LRRC7: variants seen among roughly 807,000 people sequenced by gnomAD.
LRRC7 encodes the protein leucine-rich repeat-containing protein 7.
In LRRC7, 23 loss-of-function variants were observed where a neutral mutation model predicts 175.7. The ratio of observed to expected loss-of-function variants is 0.13; its 90% CI spans 0.09 to 0.19. The LOEUF (loss-of-function observed/expected upper bound fraction) is 0.19, where lower values mean the gene tolerates loss of function less well. LRRC7 is among the 10% of genes least tolerant of loss of function. The probability of loss-of-function intolerance (pLI) is 1.00; values close to 1 mark genes in which losing one functional copy is unlikely to be tolerated. For missense variants in LRRC7, 1,354 were observed against 1,904.7 expected (o/e 0.71, Z 5.38); for synonymous variants, 685 against 680.9 (o/e 1.01, Z -0.09).
intron 2 of LRRC7, among the ~76,000 whole-genome samples, chr1:69,698,847 A>C (rs1375943197): frequency 6.6e-6 from 1 of 152,166 alleles, no homozygotes; most frequent in African/African-American, 2.4e-5. Flanking sequence ...CTCAGTCCAA[A>C]TTATTGGTCA....
chr1:70,029,621 A>G (rs1054912656), intron 18 of LRRC7, among the ~76,000 whole-genome samples: 1 of 152,166 alleles, frequency 6.6e-6, no homozygotes, highest in Non-Finnish European at 1.5e-5. Flanking sequence ...TATCTCAAAG[A>G]TCTCGCTGCA....
chr1:69,979,772 A>T (rs888235382), intron 8 of LRRC7, among the ~76,000 whole-genome samples: 5 of 152,060 alleles, frequency 3.3e-5, no homozygotes, highest in Admixed American at 3.3e-4. Flanking sequence ...CTGATTTTTT[A>T]AAAGTCAATG....
intron 2 of LRRC7, among the ~76,000 whole-genome samples, chr1:69,693,321 GTGTC>G (rs1233570722): frequency 2.0e-5 from 3 of 152,094 alleles, no homozygotes; most frequent in Non-Finnish European, 2.9e-5. Flanking sequence ...ATTTGACCGA[GTGTC>G]TGTGTTAGTC....
intron 8 of LRRC7, among the ~76,000 whole-genome samples, chr1:69,967,726 A>C (rs1651802111): frequency 6.6e-6 from 1 of 152,154 alleles, no homozygotes; most frequent in African/African-American, 2.4e-5. Context: ...CTCAGCTCTC[A>C]GGAAGCCACA....
At chr1:69,811,205 C>A (rs911367278) in intron 4 of LRRC7, among the ~76,000 whole-genome samples, 18 of 152,216 alleles carry the variant, frequency 1.2e-4, no homozygotes, top group African/African-American at 4.1e-4. Context: ...AAACGCAAAT[C>A]AAAACCACAG....
chr1:69,781,920 G>GAAAGAA (rs1553155308), intron 3 of LRRC7, among the ~76,000 whole-genome samples: 7,787 of 92,332 alleles, frequency 0.084, 396 homozygotes, highest in African/African-American at 0.12. Flanking sequence ...AAAGAAGAAA[G>GAAAGAA]AAAGAAAGAA....
chr1:69,676,327 T>C (rs1469569105), intron 1 of LRRC7, among the ~76,000 whole-genome samples: 2 of 152,078 alleles, frequency 1.3e-5, no homozygotes, highest in African/African-American at 4.8e-5. Flanking sequence ...CTGTTTTCAA[T>C]GGTATGCATG....
intron 1 of LRRC7, among the ~76,000 whole-genome samples, chr1:69,639,595 C>A (rs766169551): frequency 6.6e-6 from 1 of 151,754 alleles, no homozygotes; most frequent in African/African-American, 2.4e-5. Flanking sequence ...TTTTAGATTT[C>A]TGGCTCTCTG....
chr1:69,746,073 A>G (rs1379551159), intron 2 of LRRC7, among the ~76,000 whole-genome samples: 1 of 151,916 alleles, frequency 6.6e-6, no homozygotes, highest in Admixed American at 6.6e-5. Context: ...ATGATCTAGT[A>G]GCTAATAGTG....
intron 23 of LRRC7, among the ~76,000 whole-genome samples, chr1:70,067,783 A>G (rs960308606): frequency 3.3e-5 from 5 of 152,130 alleles, no homozygotes; most frequent in African/African-American, 1.2e-4. Flanking sequence ...CTTCTTGGAT[A>G]TCTTCATCAG....
intron 1 of LRRC7, among the ~76,000 whole-genome samples, chr1:69,670,149 T>G (rs1658864946): frequency 6.6e-6 from 1 of 152,166 alleles, no homozygotes; most frequent in Non-Finnish European, 1.5e-5. Flanking sequence ...GATATTCATC[T>G]GTGTCTGGCC....
chr1:69,758,605 C>T (rs1262088765), intron 2 of LRRC7, among the ~76,000 whole-genome samples: 1 of 151,924 alleles, frequency 6.6e-6, no homozygotes, highest in Admixed American at 6.6e-5. Flanking sequence ...TTTCATCACC[C>T]AGATAATGAA....
chr1:69,851,170 G>A (rs1339477077), intron 7 of LRRC7, among the ~76,000 whole-genome samples: 1 of 152,134 alleles, frequency 6.6e-6, no homozygotes, highest in Admixed American at 6.6e-5. Context: ...ATTGGCATTA[G>A]CAAGATACAG....
At position 70,005,752 on chromosome 1, in the gene LRRC7, C is replaced by T. The variant is rs76141324; in HGVS notation, c.1005-6045C>T. Among the ~76,000 whole-genome samples the T allele has an allele frequency of 9.0e-3, 1,373 of 152,070 alleles. 21 individuals carry two copies. The highest frequency in any genetic ancestry group is 0.032 in the African/African-American group (1,309 of 41,496). ...AAATCCTTGCAACTTATTGTGTGGC[C>T]CCTGCACTGGCAGCATCTCATCATC... is the stretch of plus-strand genomic sequence containing the variant. On this transcript the variant is annotated intron_variant, in intron 11 of 26. Coordinates refer to ENST00000651989, the MANE Select transcript of LRRC7 (RefSeq NM_001370785.2).
intron 7 of LRRC7, among the ~76,000 whole-genome samples, chr1:69,841,134 T>A (rs1171350329): frequency 6.6e-6 from 1 of 152,090 alleles, no homozygotes; most frequent in Non-Finnish European, 1.5e-5. Context: ...TTGCCTCAAA[T>A]CTCACTCAAA....
chr1:69,886,027 T>G (rs1570500084), intron 7 of LRRC7, among the ~76,000 whole-genome samples: 1 of 148,886 alleles, frequency 6.7e-6, no homozygotes, highest in African/African-American at 2.5e-5. Context: ...GAGGAGTGCT[T>G]TACTTCCAAG....
intron 1 of LRRC7, among the ~76,000 whole-genome samples, chr1:69,662,162 C>T (rs982965717): frequency 6.6e-6 from 1 of 152,080 alleles, no homozygotes; most frequent in East Asian, 1.9e-4. Context: ...AGGTCTTATC[C>T]TCATCTTTAT....
chr1:70,098,171 G>T (rs966083485), intron 25 of LRRC7, among the ~76,000 whole-genome samples: 3 of 152,156 alleles, frequency 2.0e-5, no homozygotes, highest in Admixed American at 6.6e-5. Context: ...GTGTGAGATG[G>T]TATCTCATGG....
In LRRC7 at chr1:70,144,246, T is replaced by C. The variant is rs1477151715; in HGVS notation, c.*22359T>C. On this transcript the variant is annotated 3_prime_UTR_variant, in exon 27 of 27. Transcript: ENST00000651989. Reference sequence around the variant, plus strand: ...GGGACTAAAATAATGCTGTGCAGTGTATAGCAGAGCCATTTTTCGGCTTTG... The same window carrying C: ...GGGACTAAAATAATGCTGTGCAGTGCATAGCAGAGCCATTTTTCGGCTTTG... 6.6e-6 allele frequency: 1 copy of C among 152,240 alleles called. No individual in the cohort carries two copies. The highest frequency in any genetic ancestry group is 1.5e-5 in the Non-Finnish European group (1 of 68,040). The allele number at this position is 152,240 out of a possible 1,614,324, so 9.4% of individuals were successfully genotyped here. A position where few individuals can be genotyped will look rare whatever the true frequency, so the allele number is the denominator to read the frequency against.
Sources: allele counts gnomAD v4.1 joint callset (sites outside exome capture counted in the v4.1 genomes callset), GRCh38; gene constraint gnomAD v4.1.1; transcripts MANE v1.5; gene names NCBI Gene and HGNC (gene_info 2026-07-23, HGNC 2026-07-21).